L3MBTL4: variants seen among roughly 807,000 people sequenced by gnomAD.
The protein encoded by L3MBTL4 is L3MBTL histone methyl-lysine binding protein 4.
A neutral mutation model predicts 84.5 loss-of-function variants in L3MBTL4; 70 were observed. The observed-to-expected ratio is 0.83, with a 90% CI of 0.68 to 1.01. The LOEUF (loss-of-function observed/expected upper bound fraction) is 1.01. L3MBTL4 is among the 50% of genes least tolerant of loss of function. The probability of loss-of-function intolerance (pLI) is 0.00; values close to 1 mark genes in which losing one functional copy is unlikely to be tolerated. For synonymous variants in L3MBTL4, 274 were observed against 259.8 expected (o/e 1.05, Z -0.52); for missense variants, 715 against 754.8 (o/e 0.95, Z 0.62).
intron 12 of L3MBTL4, among the ~76,000 whole-genome samples, chr18:6,173,923 G>A (rs927046598): frequency 6.6e-6 from 1 of 152,152 alleles, no homozygotes; most frequent in Admixed American, 6.5e-5. Flanking sequence ...AAAGATACTA[G>A]AGGTCACAAG....
intron 10 of L3MBTL4, among the ~76,000 whole-genome samples, chr18:6,220,896 A>G (rs145814564): frequency 2.0e-5 from 3 of 152,292 alleles, no homozygotes; most frequent in African/African-American, 4.8e-5. Context: ...CATCAGAGGT[A>G]CCATTTGAAC....
At chr18:6,282,437 G>C (rs575995659) in intron 4 of L3MBTL4, among the ~76,000 whole-genome samples, 26 of 152,286 alleles carry the variant, frequency 1.7e-4, no homozygotes, top group African/African-American at 6.0e-4. Context: ...ATTAGGCAAA[G>C]GAAGGACTTG....
intron 16 of L3MBTL4, among the ~76,000 whole-genome samples, chr18:6,071,950 A>C (rs1184612268): frequency 6.6e-6 from 1 of 152,164 alleles, no homozygotes; most frequent in Non-Finnish European, 1.5e-5. Flanking sequence ...TGTCACATTA[A>C]ATATAAGGAC....
chr18:6,370,670 G>C (rs1250373035), intron 1 of L3MBTL4, among the ~76,000 whole-genome samples: 2 of 152,172 alleles, frequency 1.3e-5, no homozygotes. Context: ...TCAAAGGTTT[G>C]GCGGTGGTGA....
At chr18:6,185,268 A>G (rs112272656) in intron 12 of L3MBTL4, among the ~76,000 whole-genome samples, 3,224 of 152,310 alleles carry the variant, frequency 0.021, 109 homozygotes, top group African/African-American at 0.074. Context: ...CTGACAAAGA[A>G]AGGGAGTGAG....
intron 16 of L3MBTL4, among the ~76,000 whole-genome samples, chr18:6,073,515 T>C (rs2057757612): frequency 6.6e-6 from 1 of 152,142 alleles, no homozygotes; most frequent in African/African-American, 2.4e-5. Context: ...CATAAACTCT[T>C]GGTGATAATG....
At chr18:6,199,665 G>A (rs531337) in intron 12 of L3MBTL4, among the ~76,000 whole-genome samples, 13 of 152,298 alleles carry the variant, frequency 8.5e-5, no homozygotes, top group Admixed American at 2.6e-4. Flanking sequence ...CCACAGCTCC[G>A]GGCAGAAGGG....
chr18:6,090,423 T>C (rs1162627280), intron 15 of L3MBTL4, among the ~76,000 whole-genome samples: 2 of 151,984 alleles, frequency 1.3e-5, no homozygotes, highest in African/African-American at 4.8e-5. Flanking sequence ...ACATGTTTTT[T>C]AAAAATAATC....
chr18:6,404,463 G>A (rs1204330993), intron 1 of L3MBTL4, among the ~76,000 whole-genome samples: 4 of 152,248 alleles, frequency 2.6e-5, no homozygotes, highest in East Asian at 3.9e-4. Flanking sequence ...TAAAAAGCTC[G>A]ATTTCTGTTC....
intron 16 of L3MBTL4, among the ~76,000 whole-genome samples, chr18:6,010,531 T>C (rs1567979494): frequency 6.6e-6 from 1 of 152,214 alleles, no homozygotes; most frequent in Non-Finnish European, 1.5e-5. Context: ...GCATGTGCGG[T>C]ATTAATACTG....
intron 16 of L3MBTL4, among the ~76,000 whole-genome samples, chr18:6,065,766 TA>T (rs2057378368): frequency 6.6e-6 from 1 of 151,998 alleles, no homozygotes; most frequent in African/African-American, 2.4e-5. Context: ...TTAATCTTAC[TA>T]ATGGTCTATC....
intron 16 of L3MBTL4, among the ~76,000 whole-genome samples, chr18:6,065,182 C>T (rs543743073): frequency 6.6e-6 from 1 of 152,034 alleles, no homozygotes; most frequent in Non-Finnish European, 1.5e-5. Context: ...ACCATACCTG[C>T]AACCCTGGGA....
chr18:6,321,948 A>C (rs2051427530), intron 1 of L3MBTL4, among the ~76,000 whole-genome samples: 1 of 152,202 alleles, frequency 6.6e-6, no homozygotes, highest in South Asian at 2.1e-4. Context: ...TATTTGGTAT[A>C]ATGTACACTA....
At chr18:6,034,384 A>G (rs541218422) in intron 16 of L3MBTL4, among the ~76,000 whole-genome samples, 2 of 151,872 alleles carry the variant, frequency 1.3e-5, no homozygotes, top group Non-Finnish European at 2.9e-5. Flanking sequence ...ACCTATGAGT[A>G]AGAATATGCG....
intron 16 of L3MBTL4, among the ~76,000 whole-genome samples, chr18:6,077,301 T>C (rs1244347490): frequency 6.6e-6 from 1 of 152,216 alleles, no homozygotes; most frequent in Non-Finnish European, 1.5e-5. Flanking sequence ...ACCAACATCC[T>C]TTTAACATAA....
intron 12 of L3MBTL4, among the ~76,000 whole-genome samples, chr18:6,185,960 C>CTATTTTT (rs976327212): frequency 6.9e-5 from 10 of 145,872 alleles, no homozygotes; most frequent in African/African-American, 2.7e-4. Context: ...AGGGCACTTT[C>CTATTTTT]TTTATTTTAT....
At chr18:5,974,431 T>A (rs1358826022) in intron 16 of L3MBTL4, among the ~76,000 whole-genome samples, 2 of 75,394 alleles carry the variant, frequency 2.7e-5, no homozygotes, top group Non-Finnish European at 4.8e-5. Flanking sequence ...ATAGAGGCAA[T>A]AAACACACTG....
intron 5 of L3MBTL4, among the ~76,000 whole-genome samples, chr18:6,247,466 A>ATTTTTTTTT (rs71163266): frequency 2.4e-4 from 12 of 49,642 alleles, no homozygotes; most frequent in African/African-American, 1.2e-3. Flanking sequence ...CCCTCCTCTG[A>ATTTTTTTTT]TTTTTTTTTT....
intron 14 of L3MBTL4, among the ~76,000 whole-genome samples, chr18:6,107,854 C>T (rs140778866): frequency 1.1e-4 from 16 of 152,252 alleles, no homozygotes; most frequent in African/African-American, 2.9e-4. Flanking sequence ...CTGCACATTT[C>T]GTGTATCTAT....
Sources: allele counts gnomAD v4.1 joint callset (sites outside exome capture counted in the v4.1 genomes callset), GRCh38; gene constraint gnomAD v4.1.1; transcripts MANE v1.5; gene names NCBI Gene and HGNC (gene_info 2026-07-23, HGNC 2026-07-21).